PTPRN2: variants seen among roughly 807,000 people sequenced by gnomAD.
PTPRN2 encodes receptor-type tyrosine-protein phosphatase N2.
A neutral mutation model predicts 118.8 loss-of-function variants in PTPRN2; 74 were observed. That is an observed-to-expected ratio of 0.62 (90% CI 0.52 to 0.76). The LOEUF (loss-of-function observed/expected upper bound fraction) is 0.76, where lower values mean the gene tolerates loss of function less well. Ranked by LOEUF, PTPRN2 falls within the 30% of genes least tolerant of loss-of-function variation. PTPRN2 has a pLI of 0.00. For synonymous variants in PTPRN2, 641 were observed against 608.0 expected, an observed-to-expected ratio of 1.05 and a Z score of -0.80; for missense variants, 1,481 against 1,394.4, an observed-to-expected ratio of 1.06 and a Z score of -0.99.
intron 5 of PTPRN2, among the ~76,000 whole-genome samples, chr7:158,171,286 T>TATACACACATAC (rs1199065456): frequency 1.3e-5 from 1 of 75,354 alleles, no homozygotes; most frequent in South Asian, 3.3e-4. Flanking sequence ...CACACATATA[T>TATACACACATAC]ATACACACAT....
rs192797298 is a variant in PTPRN2, at chr7:158,151,732, G to A, written c.911-13217C>T. Among the ~76,000 whole-genome samples, 318 of 151,530 alleles carry A rather than the reference G, an allele frequency of 2.1e-3. 2 individuals carry two copies. The highest frequency in any genetic ancestry group is 1.6e-3 in the Non-Finnish European group (111 of 67,958). On this transcript the variant is annotated intron_variant, in intron 6 of 22. Transcript: ENST00000389418. ...TTCCTCCCTCCCTCCCTTGCTAGCTGCATTCTTTCCTTCCTTCCTGCCACA... is the reference window on the plus strand; with the variant it reads ...TTCCTCCCTCCCTCCCTTGCTAGCTACATTCTTTCCTTCCTTCCTGCCACA...
intron 1 of PTPRN2, among the ~76,000 whole-genome samples, chr7:158,528,378 T>C (rs1824951218): frequency 6.6e-6 from 1 of 152,156 alleles, no homozygotes; most frequent in South Asian, 2.1e-4. Context: ...CCAGAGCCGG[T>C]CAGCCGTCTC....
intron 2 of PTPRN2, among the ~76,000 whole-genome samples, chr7:158,341,888 C>G (rs1468776047): frequency 2.3e-5 from 3 of 130,008 alleles, no homozygotes; most frequent in Non-Finnish European, 4.7e-5. Flanking sequence ...CTCACACCCA[C>G]ACTCACCATA....
intron 1 of PTPRN2, among the ~76,000 whole-genome samples, chr7:158,533,525 G>A (rs1440607592): frequency 1.3e-5 from 2 of 152,262 alleles, no homozygotes; most frequent in African/African-American, 4.8e-5. Context: ...CGGAGGCACC[G>A]CCAGGACCCT....
At position 157,864,917 on chromosome 7, in the gene PTPRN2, C is replaced by T. The variant is rs368960247; in HGVS notation, c.1788+33756G>A. 440 of 152,420 alleles carry T rather than the reference C, an allele frequency of 2.9e-3. 25 individuals are homozygous for T. In the South Asian group the frequency reaches 0.088, roughly 30 times the overall value. The allele number at this position is 152,420 out of a possible 1,614,324, so 9.4% of individuals were successfully genotyped here. A position where few individuals can be genotyped will look rare whatever the true frequency, so the allele number is the denominator to read the frequency against. On this transcript the variant is annotated intron_variant, in intron 12 of 22. Coordinates refer to ENST00000389418, the MANE Select transcript of PTPRN2 (RefSeq NM_002847.5). ...GCCGCCATCTCAGGCCCTCCCTGAC[C>T]CCCAACCTGCACAAGGGCTCACAGC...
intron 5 of PTPRN2, among the ~76,000 whole-genome samples, chr7:158,181,918 C>A (rs1452616410): frequency 7.7e-6 from 1 of 129,728 alleles, no homozygotes; most frequent in African/African-American, 2.6e-5. Context: ...ATTGATTTAG[C>A]TCTGTTCTGA....
chr7:158,120,162 C>T (rs1376191378), intron 9 of PTPRN2, among the ~76,000 whole-genome samples: 1 of 152,114 alleles, frequency 6.6e-6, no homozygotes, highest in Non-Finnish European at 1.5e-5. Flanking sequence ...TTCAGAGAGA[C>T]ACAGAGTAGA....
At chr7:157,773,174 G>A (rs995952617) in intron 12 of PTPRN2, among the ~76,000 whole-genome samples, 2 of 152,138 alleles carry the variant, frequency 1.3e-5, no homozygotes, top group East Asian at 1.9e-4. Context: ...CGCAGCAGAC[G>A]GAGGCAGGGG....
chr7:158,418,009 C>T (rs1200491538), intron 2 of PTPRN2, among the ~76,000 whole-genome samples: 6 of 149,816 alleles, frequency 4.0e-5, no homozygotes, highest in East Asian at 2.0e-4. Context: ...TGTACTACAT[C>T]GAGATGCTCT....
chr7:157,603,901 G>T lies in PTPRN2; in HGVS notation c.2418+101C>A. The T allele has an allele frequency of 9.0e-7, 1 of 1,116,336 alleles. No homozygotes were observed. Among genetic ancestry groups the T allele is most frequent in the Non-Finnish European group, 1.3e-6 (1 of 760,238 alleles). 69.2% of individuals were successfully genotyped at this position (1,116,336 alleles called of 1,614,324 possible). A position where few individuals can be genotyped will look rare whatever the true frequency, so the allele number is the denominator to read the frequency against. ...CTGTCCACCGCAGAGACGCTGAGCT[G>T]GGTGGGGACGTGATTTCCCCCGAGA... On this transcript the variant is annotated intron_variant, in intron 16 of 22. Coordinates refer to ENST00000389418, the MANE Select transcript of PTPRN2 (RefSeq NM_002847.5). This position sits in a 1 kb window ranked among gnomAD's most constrained non-coding sequence, Gnocchi z 5.4.
Position 157,617,182 on chromosome 7 carries a change from G to A in PTPRN2, c.2344+4180C>T, listed in dbSNP as rs1242125272. 3 of 152,344 alleles carry A rather than the reference G, an allele frequency of 2.0e-5. No individual in the cohort carries two copies. Among genetic ancestry groups the A allele is most frequent in the Non-Finnish European group, 4.4e-5 (3 of 68,088 alleles). 9.4% of individuals were successfully genotyped at this position (152,344 alleles called of 1,614,324 possible). ...GGCATGGGGGACGCTGGCTCACGAT[G>A]CCCCAGTGATGCCGTGGTTAGGACA... On this transcript the variant is annotated intron_variant, in intron 15 of 22. Coordinates refer to ENST00000389418, the MANE Select transcript of PTPRN2 (RefSeq NM_002847.5). The surrounding 1 kb of genome is among the most constrained non-coding windows in gnomAD (Gnocchi z 7.5).
intron 14 of PTPRN2, among the ~76,000 whole-genome samples, chr7:157,642,002 C>T (rs953940052): frequency 2.2e-4 from 33 of 152,274 alleles, no homozygotes; most frequent in African/African-American, 7.5e-4. Flanking sequence ...CCTCTGCATG[C>T]CACCTGCCCA....
At position 158,283,734 on chromosome 7, in the gene PTPRN2, CCA is replaced by C. The variant is rs535886569; in HGVS notation, c.277+33083_277+33084del. Among the ~76,000 whole-genome samples, 6 of 152,238 alleles carry C rather than the reference CCA, an allele frequency of 3.9e-5. No homozygotes were observed. The East Asian group carries it at 1.2e-3, about 29-fold the overall frequency. ...CAGGTGATCAGCAGTGCCGTGGCAGCCACAGAGACAGGCCACCACCACTCCTC... is the reference window on the plus strand; with the variant it reads ...CAGGTGATCAGCAGTGCCGTGGCAGCCAGAGACAGGCCACCACCACTCCTC... On this transcript the variant is annotated intron_variant, in intron 3 of 22. Coordinates refer to ENST00000389418, the MANE Select transcript of PTPRN2 (RefSeq NM_002847.5).
chr7:158,252,936 A>C (rs1356266293), intron 3 of PTPRN2, among the ~76,000 whole-genome samples: 1 of 151,526 alleles, frequency 6.6e-6, no homozygotes, highest in Non-Finnish European at 1.5e-5. Flanking sequence ...ATCTTCCCTC[A>C]CCCTTGGGCT....
intron 14 of PTPRN2, among the ~76,000 whole-genome samples, chr7:157,649,906 TG>T (rs1805517719): frequency 1.3e-5 from 1 of 78,600 alleles, no homozygotes; most frequent in Non-Finnish European, 3.3e-5. Flanking sequence ...CCATCCAGCG[TG>T]CACTGAACTC....
At chr7:158,212,939 A>G (rs892009015) in intron 3 of PTPRN2, among the ~76,000 whole-genome samples, 2 of 152,228 alleles carry the variant, frequency 1.3e-5, no homozygotes, top group African/African-American at 4.8e-5. Flanking sequence ...AGTAGTTATG[A>G]AGGCAAAATC....
intron 2 of PTPRN2, among the ~76,000 whole-genome samples, chr7:158,358,110 C>T (rs763086291): frequency 6.6e-6 from 1 of 152,232 alleles, no homozygotes; most frequent in Non-Finnish European, 1.5e-5. Flanking sequence ...CAGCCCAGGA[C>T]AGTGGGAACA....
intron 14 of PTPRN2, among the ~76,000 whole-genome samples, chr7:157,643,617 A>G (rs974094979): frequency 2.0e-5 from 3 of 152,208 alleles, no homozygotes; most frequent in Non-Finnish European, 2.9e-5. Context: ...AGTGGCTGTG[A>G]CTGCTCCCCC....
rs141616415 is a variant in PTPRN2 at position 158,529,797 on chromosome 7, C to T, written c.113-40012G>A. Among the ~76,000 whole-genome samples, 302 of 152,300 alleles carry T rather than the reference C, an allele frequency of 2.0e-3. No individual in the cohort carries two copies. Among genetic ancestry groups the T allele is most frequent in the African/African-American group, 6.6e-3 (274 of 41,556 alleles). The stretch of plus-strand genomic sequence containing the variant: ...AGTCTCCCCAGGCCTCCCCAGCCAG[C>T]ATGAGTTCTCAGCATCTCCTCTACA... On this transcript the variant is annotated intron_variant, in intron 1 of 22. Transcript: ENST00000389418. The surrounding 1 kb of genome is among the most constrained non-coding windows in gnomAD (Gnocchi z 4.7).
Sources: allele counts gnomAD v4.1 joint callset (sites outside exome capture counted in the v4.1 genomes callset), GRCh38; gene constraint gnomAD v4.1.1; non-coding constraint Gnocchi (gnomAD v3.1); transcripts MANE v1.5; gene names NCBI Gene and HGNC (gene_info 2026-07-23, HGNC 2026-07-21).